CCSER1: variants seen among roughly 807,000 people sequenced by gnomAD.
The protein encoded by CCSER1 is serine-rich coiled-coil domain-containing protein 1.
In CCSER1, 41 loss-of-function variants were observed where a neutral mutation model predicts 82.0. The observed-to-expected ratio is 0.50, with a 90% CI of 0.39 to 0.65. CCSER1 has a LOEUF of 0.65. Ranked by LOEUF, CCSER1 falls within the 30% of genes least tolerant of loss-of-function variation. The pLI is 0.00. For missense variants in CCSER1, 1,119 were observed against 1,064.2 expected (o/e 1.05, Z -0.72); for synonymous variants, 414 against 383.9 (o/e 1.08, Z -0.92).
chr4:90,380,504 C>T (rs1046800058), intron 3 of CCSER1, among the ~76,000 whole-genome samples: 25 of 152,056 alleles, frequency 1.6e-4, no homozygotes, highest in South Asian at 8.3e-4. Context: ...TCATTATGTA[C>T]GGAAAGATAC....
At chr4:90,209,786 A>G (rs1403797666) in intron 1 of CCSER1, among the ~76,000 whole-genome samples, 1 of 143,168 alleles carries the variant, frequency 7.0e-6, no homozygotes, top group Admixed American at 6.9e-5. Context: ...TTTTTTTTTA[A>G]TTTTTCGGTA....
rs11935712 is a variant in CCSER1, at chr4:90,295,418, T to G, written c.-41-12826T>G. 6.0e-3 allele frequency among the ~76,000 whole-genome samples: 915 copies of G among 152,188 alleles called. 8 individuals carry two copies. The highest frequency in any genetic ancestry group is 0.021 in the African/African-American group (886 of 41,558). ...AATGGAGTTGAATATCTGCTCGTAA[T>G]GTTGATTAGTGATTTATATTTCCTT... On this transcript the variant is annotated intron_variant, in intron 1 of 10. Transcript: ENST00000509176.
At chr4:90,559,809 CAAAAAAAAA>C (rs1236087772) in intron 5 of CCSER1, among the ~76,000 whole-genome samples, 2 of 39,764 alleles carry the variant, frequency 5.0e-5, no homozygotes, top group African/African-American at 1.8e-4. Flanking sequence ...GACTCCGTCT[CAAAAAAAAA>C]AAAAAAAAAA....
At chr4:90,154,017 CG>C in intron 1 of CCSER1, among the ~76,000 whole-genome samples, 1 of 152,236 alleles carries the variant, frequency 6.6e-6, no homozygotes, top group South Asian at 2.1e-4. Context: ...TTAGGTCTAA[CG>C]TTTAAGTCTT....
intron 8 of CCSER1, among the ~76,000 whole-genome samples, chr4:90,834,175 C>T (rs1761495231): frequency 6.6e-6 from 1 of 152,124 alleles, no homozygotes; most frequent in Non-Finnish European, 1.5e-5. Context: ...TGTAAGATTC[C>T]AGCAATCAGC....
rs549065270 is a variant in CCSER1 at position 90,790,342 on chromosome 4, A to G, written c.2011-25420A>G. On this transcript the variant is annotated intron_variant, in intron 7 of 10. Transcript: ENST00000509176. ...TACCATAGCCTTCTGAATAAAACAT[A>G]ATTTATTGTTATGGAATAAATGACT... Among the ~76,000 whole-genome samples the G allele has an allele frequency of 5.9e-5, 9 of 152,250 alleles. No individual in the cohort carries two copies. In the South Asian group the frequency reaches 8.3e-4, roughly 14 times the overall value.
In CCSER1 at chr4:91,167,927, C is replaced by T. The variant is rs148169878; in HGVS notation, c.2217+81933C>T. On this transcript the variant is annotated intron_variant, in intron 10 of 10. Transcript: ENST00000509176. ...CCGGCCGCCACCCCGTCTGGGAAGT[C>T]GGGAGCACCTCTGCCCGGCCACCAC... Among the ~76,000 whole-genome samples, 742 of 126,770 alleles carry T rather than the reference C, an allele frequency of 5.9e-3. 6 individuals are homozygous for T. Among genetic ancestry groups the T allele is most frequent in the African/African-American group, 0.021 (690 of 33,080 alleles). 83.2% of individuals were successfully genotyped at this position (126,770 alleles called of 152,430 possible).
At chr4:91,444,350 A>G (rs767290168) in intron 10 of CCSER1, among the ~76,000 whole-genome samples, 1 of 152,224 alleles carries the variant, frequency 6.6e-6, no homozygotes, top group Non-Finnish European at 1.5e-5. Flanking sequence ...AAGTTTTCTA[A>G]AATAAAATGT....
At chr4:91,478,084 G>A (rs567349281) in intron 10 of CCSER1, among the ~76,000 whole-genome samples, 87 of 151,870 alleles carry the variant, frequency 5.7e-4, no homozygotes, top group Non-Finnish European at 9.0e-4. Flanking sequence ...CATTGCTTAC[G>A]ATCATTAAAA....
At chr4:90,667,071 C>T (rs1175959585) in intron 6 of CCSER1, among the ~76,000 whole-genome samples, 1 of 152,078 alleles carries the variant, frequency 6.6e-6, no homozygotes, top group Non-Finnish European at 1.5e-5. Flanking sequence ...GAGTTAACAC[C>T]GAATCGACTT....
chr4:90,749,030 TC>T (rs1748071126), intron 7 of CCSER1, among the ~76,000 whole-genome samples: 1 of 151,718 alleles, frequency 6.6e-6, no homozygotes, highest in African/African-American at 2.4e-5. Context: ...GTGCAGAAGC[TC>T]TTTAGTTTAA....
chr4:91,387,350 C>T (rs1751362518), intron 10 of CCSER1, among the ~76,000 whole-genome samples: 1 of 151,782 alleles, frequency 6.6e-6, no homozygotes, highest in South Asian at 2.1e-4. Flanking sequence ...AAGAGATTTT[C>T]AGCTATAATG....
At chr4:90,733,041 ATATC>A (rs973443175) in intron 7 of CCSER1, among the ~76,000 whole-genome samples, 1 of 152,204 alleles carries the variant, frequency 6.6e-6, no homozygotes, top group Non-Finnish European at 1.5e-5. Flanking sequence ...TTTTGGGAAT[ATATC>A]TAGCAGTGGG....
intron 10 of CCSER1, among the ~76,000 whole-genome samples, chr4:91,552,060 A>G (rs1435131951): frequency 2.0e-5 from 3 of 151,782 alleles, no homozygotes; most frequent in African/African-American, 7.3e-5. Context: ...TATAGAAGAA[A>G]TAAGTTCATT....
intron 9 of CCSER1, among the ~76,000 whole-genome samples, chr4:91,036,846 A>G (rs1444423359): frequency 2.0e-5 from 3 of 152,138 alleles, no homozygotes; most frequent in African/African-American, 7.2e-5. Flanking sequence ...TGAGAGACCC[A>G]GGCAGGTGGG....
At chr4:90,476,421 G>A (rs1229718452) in intron 5 of CCSER1, among the ~76,000 whole-genome samples, 1 of 152,092 alleles carries the variant, frequency 6.6e-6, no homozygotes, top group Non-Finnish European at 1.5e-5. Flanking sequence ...GAGCTTAGAG[G>A]GTCGGTGGGG....
chr4:91,105,707 A>G (rs567808510), intron 10 of CCSER1, among the ~76,000 whole-genome samples: 1 of 152,190 alleles, frequency 6.6e-6, no homozygotes, highest in Non-Finnish European at 1.5e-5. Context: ...CCATCTCAAA[A>G]AAATAAATAA....
At chr4:91,579,234 T>C (rs1763609195) in intron 10 of CCSER1, among the ~76,000 whole-genome samples, 1 of 151,772 alleles carries the variant, frequency 6.6e-6, no homozygotes, top group African/African-American at 2.4e-5. Flanking sequence ...TATTTCCTTT[T>C]TAAAATTTTA....
At chr4:90,587,121 A>C (rs950943203) in intron 5 of CCSER1, among the ~76,000 whole-genome samples, 5 of 152,238 alleles carry the variant, frequency 3.3e-5, no homozygotes, top group African/African-American at 1.2e-4. Flanking sequence ...GAGCCAAGAA[A>C]TGTGCGGAGC....
Sources: gnomAD v4.1 joint callset for allele counts (sites outside exome capture counted in the v4.1 genomes callset) on GRCh38, gnomAD v4.1.1 for gene constraint, MANE v1.5 for transcripts, NCBI Gene and HGNC (gene_info 2026-07-23, HGNC 2026-07-21) for gene names.